The following SORCS2 variants were observed in gnomAD, a reference collection of about 807,000 sequenced individuals.
SORCS2 encodes sortilin related VPS10 domain containing receptor 2, also known as VPS10 domain-containing receptor SorCS2.
SORCS2 carries 100 observed loss-of-function variants against 141.6 expected under a neutral mutation model. The ratio of observed to expected loss-of-function variants is 0.71; its 90% CI spans 0.60 to 0.83. SORCS2 has a LOEUF of 0.83. SORCS2 is among the 40% of genes least tolerant of loss of function. The pLI is 0.00. For synonymous variants in SORCS2, 789 were observed against 676.9 expected (o/e 1.17, Z -2.57); for missense variants, 1,646 against 1,560.2 (o/e 1.05, Z -0.93).
Position 7,731,706 on chromosome 4 carries a change from A to G in SORCS2, c.3109-1616A>G, listed in dbSNP as rs544499893. Among the ~76,000 whole-genome samples the G allele has an allele frequency of 2.0e-5, 3 of 152,368 alleles. No individual in the cohort carries two copies. In the East Asian group the frequency reaches 5.8e-4, roughly 29 times the overall value. ...TCAATAAAGCTGTCAAGAAGACACA[A>G]TGGAGAAAAGAGAATATCTCCCATA... On this transcript the variant is annotated intron_variant, in intron 23 of 26. Transcript: ENST00000507866.
chr4:7,704,270 G>T lies in SORCS2; in HGVS notation c.1854G>T (p.Glu618Asp). 1 of 1,611,626 alleles carries T rather than the reference G, an allele frequency of 6.2e-7. No individual in the cohort carries two copies. Among genetic ancestry groups the T allele is most frequent in the Non-Finnish European group, 8.5e-7 (1 of 1,179,116 alleles). Reference protein sequence around the residue: ...VDGLLSEPGDETLVMTVFGHI... With the variant: ...VDGLLSEPGDDTLVMTVFGHI... ...GGCTGCTGAGTGAGCCAGGGGACGA[G>T]ACGCTGGTCATGACGTGAGTGCGGG... The change falls in exon 14 of 27, where the codon GAG becomes GAT. Residue 618 changes from glutamate to aspartate, a missense_variant. Transcript: ENST00000507866.
chr4:7,665,689 T>C (rs1722460830), intron 7 of SORCS2, among the ~76,000 whole-genome samples: 2 of 152,226 alleles, frequency 1.3e-5, no homozygotes, highest in Admixed American at 1.3e-4. Context: ...TCAGGCAAGC[T>C]GAGGCTGGGC....
intron 1 of SORCS2, among the ~76,000 whole-genome samples, chr4:7,285,158 G>T (rs1485882146): frequency 6.6e-6 from 1 of 151,728 alleles, no homozygotes; most frequent in South Asian, 2.1e-4. Flanking sequence ...TCAGCCTCCC[G>T]AGGAGCTGGA....
intron 9 of SORCS2, 85 bp from the exon 10 acceptor site, chr4:7,682,658 T>C (rs1577069736): frequency 7.2e-7 from 1 of 1,387,720 alleles, no homozygotes; most frequent in East Asian, 2.5e-5. Context: ...CAGAGCACTT[T>C]AGCAAGGGGC....
At chr4:7,219,728 C>T (rs553679621) in intron 1 of SORCS2, among the ~76,000 whole-genome samples, 1 of 152,162 alleles carries the variant, frequency 6.6e-6, no homozygotes, top group Non-Finnish European at 1.5e-5. Flanking sequence ...TCCCATGACA[C>T]GTGGGGATCG....
At chr4:7,723,111 T>G (rs1380984426) in intron 18 of SORCS2, among the ~76,000 whole-genome samples, 1 of 152,116 alleles carries the variant, frequency 6.6e-6, no homozygotes, top group Non-Finnish European at 1.5e-5. Context: ...GGTGACTCGG[T>G]GCCACGCGGG....
intron 1 of SORCS2, among the ~76,000 whole-genome samples, chr4:7,295,315 C>G (rs1201316051): frequency 6.6e-6 from 1 of 150,418 alleles, no homozygotes; most frequent in Non-Finnish European, 1.5e-5. Flanking sequence ...AAACATGGCG[C>G]AGGCCTGATT....
chr4:7,730,824 A>C (rs892383182), intron 23 of SORCS2, among the ~76,000 whole-genome samples: 15 of 152,226 alleles, frequency 9.9e-5, no homozygotes, highest in Non-Finnish European at 2.2e-4. Flanking sequence ...TGCTTGCACA[A>C]CTTAGGGAAT....
chr4:7,252,075 A>G (rs1044933568), intron 1 of SORCS2, among the ~76,000 whole-genome samples: 2 of 151,798 alleles, frequency 1.3e-5, no homozygotes, highest in African/African-American at 2.4e-5. Flanking sequence ...GAGTCACTCA[A>G]CTCCCTGACC....
intron 2 of SORCS2, among the ~76,000 whole-genome samples, chr4:7,451,432 G>A (rs1378615514): frequency 2.0e-5 from 3 of 152,246 alleles, no homozygotes; most frequent in African/African-American, 4.8e-5. Context: ...CTTAGCAGCT[G>A]GCAGATATCC....
At chr4:7,659,265 G>T (rs1204746682) in intron 5 of SORCS2, among the ~76,000 whole-genome samples, 4 of 146,364 alleles carry the variant, frequency 2.7e-5, no homozygotes, top group African/African-American at 1.0e-4. Context: ...CCTCACTAAG[G>T]TTCCTTTCAT....
At chr4:7,216,976 C>T (rs1407194440) in intron 1 of SORCS2, among the ~76,000 whole-genome samples, 1 of 152,184 alleles carries the variant, frequency 6.6e-6, no homozygotes, top group East Asian at 1.9e-4. Context: ...TCTGATCCCC[C>T]ATCCGCACTG....
At chr4:7,567,244 G>A (rs373498503) in intron 3 of SORCS2, among the ~76,000 whole-genome samples, 10 of 152,208 alleles carry the variant, frequency 6.6e-5, no homozygotes, top group South Asian at 2.1e-4. Flanking sequence ...ATATGGATGC[G>A]TTAATGTTAC....
At chr4:7,295,509 C>T (rs566666613) in intron 1 of SORCS2, among the ~76,000 whole-genome samples, 24 of 152,216 alleles carry the variant, frequency 1.6e-4, no homozygotes, top group African/African-American at 4.6e-4. Flanking sequence ...TGGCTCGAGC[C>T]GCCCAGCCCT....
chr4:7,598,735 T>C (rs1717451271), intron 3 of SORCS2, among the ~76,000 whole-genome samples: 1 of 152,180 alleles, frequency 6.6e-6, no homozygotes, highest in African/African-American at 2.4e-5. Flanking sequence ...TGTCTTCCAA[T>C]AGACATAATA....
At chr4:7,434,127 C>G (rs761579710) in intron 2 of SORCS2, 1 of 1,613,266 alleles carries the variant, frequency 6.2e-7, no homozygotes, top group Non-Finnish European at 8.5e-7. Flanking sequence ...CACAGAATCC[C>G]CCCTTCCTGC....
intron 14 of SORCS2, among the ~76,000 whole-genome samples, chr4:7,711,772 C>T (rs1577104936): frequency 6.6e-6 from 1 of 152,332 alleles, no homozygotes; most frequent in African/African-American, 2.4e-5. Context: ...CCTCGGCTTT[C>T]CATTCTGTAA....
chr4:7,319,389 C>T (rs1439013763), intron 1 of SORCS2, among the ~76,000 whole-genome samples: 2 of 152,162 alleles, frequency 1.3e-5, no homozygotes, highest in East Asian at 3.9e-4. Context: ...TCTCGTCTGA[C>T]TTACATGGCA....
chr4:7,349,400 G>T (rs776431635), intron 1 of SORCS2, among the ~76,000 whole-genome samples: 6 of 152,098 alleles, frequency 3.9e-5, no homozygotes, highest in East Asian at 1.9e-4. Flanking sequence ...GCCCCGTGCC[G>T]CTGGAGCACA....
Sources: allele counts gnomAD v4.1 joint callset (sites outside exome capture counted in the v4.1 genomes callset), GRCh38; gene constraint gnomAD v4.1.1; transcripts MANE v1.5; gene names NCBI Gene and HGNC (gene_info 2026-07-23, HGNC 2026-07-21).